Variants in NPNT observed in about 807,000 individuals in gnomAD.
NPNT encodes nephronectin, also known as preosteoblast EGF-like repeat protein with MAM domain.
Under a neutral mutation model 68.6 loss-of-function variants are expected in NPNT, and 45 were observed. The ratio of observed to expected loss-of-function variants is 0.66; its 90% CI spans 0.52 to 0.84. The LOEUF is 0.84. NPNT is among the 40% of genes least tolerant of loss of function. The pLI, the probability that NPNT is intolerant of heterozygous loss-of-function variation, is 0.00. For synonymous variants in NPNT, 233 were observed against 253.3 expected (o/e 0.92, Z 0.76); for missense variants, 672 against 714.8 (o/e 0.94, Z 0.68).
chr4:105,968,062 G>A (rs760280093), intron 11 of NPNT, among the ~76,000 whole-genome samples: 7 of 152,006 alleles, frequency 4.6e-5, no homozygotes, highest in Non-Finnish European at 1.0e-4. Context: ...AATGGTCTAG[G>A]GCATCCCAAC....
intron 1 of NPNT, among the ~76,000 whole-genome samples, chr4:105,896,335 A>C (rs2866782): frequency 0.1 from 15,265 of 152,040 alleles, 837 homozygotes; most frequent in Middle Eastern, 0.15. Context: ...GTGAGAGCGC[A>C]CACACTGCGC....
chr4:105,947,394 G>A (rs1018344610), intron 8 of NPNT, among the ~76,000 whole-genome samples: 2 of 152,166 alleles, frequency 1.3e-5, no homozygotes, highest in African/African-American at 4.8e-5. Context: ...AATTATAAGA[G>A]TATTATTTGG....
At chr4:105,962,415 T>C (rs1199600328) in intron 10 of NPNT, among the ~76,000 whole-genome samples, 1 of 152,030 alleles carries the variant, frequency 6.6e-6, no homozygotes, top group Non-Finnish European at 1.5e-5. Flanking sequence ...GAGAATAGGA[T>C]TGATGGGTAA....
chr4:105,900,474 G>A (rs551742696), intron 2 of NPNT, among the ~76,000 whole-genome samples: 23 of 152,310 alleles, frequency 1.5e-4, no homozygotes, highest in African/African-American at 5.1e-4. Context: ...TGAGTCAAAT[G>A]TACGTATCTG....
chr4:105,956,684 A>T (rs141975051), intron 8 of NPNT, among the ~76,000 whole-genome samples: 1 of 152,144 alleles, frequency 6.6e-6, no homozygotes, highest in African/African-American at 2.4e-5. Flanking sequence ...TCTAGTAAAT[A>T]AAAGAGGCAC....
rs562870522 is a variant in NPNT at position 105,940,315 on chromosome 4, G to A, written c.640+106G>A. ...GTCAGGGGCAGGGGAGAGTACTGGC[G>A]TTAAGTTAAACCAACAGACATCCAG... On this transcript the variant is annotated intron_variant, in intron 6 of 11. Transcript: ENST00000379987. 4.9e-5 allele frequency: 60 copies of A among 1,231,788 alleles called. No individual in the cohort carries two copies. In the Admixed American group the frequency reaches 5.3e-4, roughly 11 times the overall value. 76.3% of individuals were successfully genotyped at this position (1,231,788 alleles called of 1,614,324 possible).
At chr4:105,950,190 G>A (rs1730708885) in intron 8 of NPNT, among the ~76,000 whole-genome samples, 1 of 152,122 alleles carries the variant, frequency 6.6e-6, no homozygotes, top group Admixed American at 6.5e-5. Context: ...ACAATTGAAT[G>A]TGATAGCTAT....
At chr4:105,941,730 A>G (rs902080546) in intron 7 of NPNT, among the ~76,000 whole-genome samples, 1 of 152,212 alleles carries the variant, frequency 6.6e-6, no homozygotes, top group Non-Finnish European at 1.5e-5. Flanking sequence ...AAGCAGTTGT[A>G]TCTATCAGTA....
At chr4:105,914,373 C>CTCTCTCTCTCTCTCTA (rs1553975213) in intron 2 of NPNT, among the ~76,000 whole-genome samples, 1 of 121,390 alleles carries the variant, frequency 8.2e-6, no homozygotes, top group Non-Finnish European at 1.7e-5. Context: ...CTCTCTCTCT[C>CTCTCTCTCTCTCTCTA]TATATATATA....
chr4:105,917,743 G>A (rs1578604236), intron 2 of NPNT, among the ~76,000 whole-genome samples: 1 of 152,084 alleles, frequency 6.6e-6, no homozygotes, highest in Admixed American at 6.6e-5. Flanking sequence ...ACAAGAGGGG[G>A]AATGGCATTC....
intron 5 of NPNT, 80 bp from the exon 6 acceptor site, chr4:105,939,995 A>T (rs72675611): frequency 0.012 from 14,220 of 1,213,952 alleles, 114 homozygotes; most frequent in Non-Finnish European, 0.015. Flanking sequence ...AACCATTTGT[A>T]GTCAGTTATT....
rs75777880 is a variant in NPNT at position 105,954,146 on chromosome 4, C to G, written c.1160-4325C>G. The stretch of plus-strand genomic sequence containing the variant: ...GGCCAGCATTTCTTACAAGAACTTT[C>G]CTGCTCCTTTTTGTGGCTGATTTTA... On this transcript the variant is annotated intron_variant, in intron 8 of 11. Coordinates refer to ENST00000379987, the MANE Select transcript of NPNT (RefSeq NM_001033047.3). 9.3e-3 allele frequency among the ~76,000 whole-genome samples: 1,422 copies of G among 152,254 alleles called. 8 individuals are homozygous for G. Among genetic ancestry groups the G allele is most frequent in the Non-Finnish European group, 0.017 (1,164 of 68,012 alleles).
chr4:105,905,242 A>T (rs780733256), intron 2 of NPNT, among the ~76,000 whole-genome samples: 9 of 152,156 alleles, frequency 5.9e-5, no homozygotes, highest in Non-Finnish European at 1.0e-4. Flanking sequence ...AGGGGCATAT[A>T]TTTTCTAATA....
chr4:105,967,228 G>C lies in NPNT; in HGVS notation c.1386G>C (p.Gly462=). Residue 462 remains glycine, a synonymous_variant, in exon 11 of 12, where the codon GGG becomes GGC. Coordinates refer to ENST00000379987, the MANE Select transcript of NPNT (RefSeq NM_001033047.3). ...YLTVSAAKAP[G]GKAARLVLPL... ...CAGTGTCGGCAGCCAAAGCCCCAGGGGGAAAAGCTGCACGCTTGGTGCTAC... is the reference window on the plus strand; with the variant it reads ...CAGTGTCGGCAGCCAAAGCCCCAGGCGGAAAAGCTGCACGCTTGGTGCTAC... 6.2e-7 allele frequency: 1 copy of C among 1,613,970 alleles called. No homozygotes were observed. Among genetic ancestry groups the C allele is most frequent in the Non-Finnish European group, 8.5e-7 (1 of 1,180,016 alleles).
intron 3 of NPNT, among the ~76,000 whole-genome samples, chr4:105,928,983 G>GA (rs1400359019): frequency 6.6e-6 from 1 of 151,824 alleles, no homozygotes; most frequent in Non-Finnish European, 1.5e-5. Context: ...TAAGTTCTGG[G>GA]ATACATGTGG....
At chr4:105,898,067 C>T in intron 2 of NPNT, 66 bp downstream of exon 2, 1 of 1,070,050 alleles carries the variant, frequency 9.3e-7, no homozygotes, top group Non-Finnish European at 1.4e-6. Context: ...TTCATGGCTT[C>T]ACCCCACATA....
At chr4:105,919,371 T>G (rs766213057) in intron 2 of NPNT, among the ~76,000 whole-genome samples, 1 of 152,132 alleles carries the variant, frequency 6.6e-6, no homozygotes, top group Non-Finnish European at 1.5e-5. Flanking sequence ...GCAAGGACAT[T>G]TACTTACAAA....
At chr4:105,955,921 G>C (rs1293170919) in intron 8 of NPNT, among the ~76,000 whole-genome samples, 1 of 152,032 alleles carries the variant, frequency 6.6e-6, no homozygotes, top group Non-Finnish European at 1.5e-5. Flanking sequence ...TTATAGAGTA[G>C]AGCACACAAA....
chr4:105,942,117 A>G (rs532333106), intron 7 of NPNT, among the ~76,000 whole-genome samples, 190 bp from the exon 8 acceptor site: 4 of 139,576 alleles, frequency 2.9e-5, no homozygotes, highest in African/African-American at 1.1e-4. Flanking sequence ...GTGTGTGTGT[A>G]TATATATATA....
Sources: allele counts gnomAD v4.1 joint callset (sites outside exome capture counted in the v4.1 genomes callset), GRCh38; gene constraint gnomAD v4.1.1; transcripts MANE v1.5; gene names NCBI Gene and HGNC (gene_info 2026-07-23, HGNC 2026-07-21).